The following CECR2 variants were observed in gnomAD, a reference collection of about 807,000 sequenced individuals.
CECR2 encodes the protein CECR2 histone acetyl-lysine reader.
A neutral mutation model predicts 154.5 loss-of-function variants in CECR2; 30 were observed. That is an observed-to-expected ratio of 0.19 (90% CI 0.15 to 0.26). The LOEUF is 0.26. CECR2 is among the 10% of genes least tolerant of loss of function. The pLI, the probability that CECR2 is intolerant of heterozygous loss-of-function variation, is 1.00. For missense variants in CECR2, 1,743 were observed against 1,829.3 expected, an observed-to-expected ratio of 0.95 and a Z score of 0.86; for synonymous variants, 725 against 683.7, an observed-to-expected ratio of 1.06 and a Z score of -0.94.
At chr22:17,527,294 CA>C (rs1308583956) in intron 9 of CECR2, among the ~76,000 whole-genome samples, 2 of 151,738 alleles carry the variant, frequency 1.3e-5, no homozygotes, top group East Asian at 3.9e-4. Context: ...CCCATCTCTA[CA>C]AAAAATACAA....
At chr22:17,453,978 A>G (rs1294331659) in intron 1 of CECR2, among the ~76,000 whole-genome samples, 1 of 152,234 alleles carries the variant, frequency 6.6e-6, no homozygotes, top group Non-Finnish European at 1.5e-5. Context: ...AAGAATGGTT[A>G]CTTAGGTGCC....
chr22:17,480,180 T>A (rs1007054196), intron 2 of CECR2, among the ~76,000 whole-genome samples: 1 of 152,130 alleles, frequency 6.6e-6, no homozygotes, highest in Non-Finnish European at 1.5e-5. Flanking sequence ...AGGATTATTA[T>A]CTATCTCTTT....
intron 1 of CECR2, among the ~76,000 whole-genome samples, chr22:17,445,300 G>T (rs1195672106): frequency 6.6e-6 from 1 of 151,994 alleles, no homozygotes; most frequent in Non-Finnish European, 1.5e-5. Context: ...TTGAGGCCAG[G>T]AGACCAGTCT....
chr22:17,511,991 A>T lies in CECR2; in HGVS notation c.954+95A>T, dbSNP rs1014595675. Reference sequence around the variant, plus strand: ...CATTCCTGCCTTTTTATTTTCCTTCATTTTTTTTCCTAAACCCCAAATGTT... The same window carrying T: ...CATTCCTGCCTTTTTATTTTCCTTCTTTTTTTTTCCTAAACCCCAAATGTT... On this transcript the variant is annotated intron_variant, in intron 8 of 18. Transcript: ENST00000262608. 4 of 942,558 alleles carry T rather than the reference A, an allele frequency of 4.2e-6. No homozygotes were observed. In the African/African-American group the frequency reaches 5.0e-5, roughly 12 times the overall value. The allele number at this position is 942,558 out of a possible 1,614,324, so 58.4% of individuals were successfully genotyped here.
intron 3 of CECR2, among the ~76,000 whole-genome samples, chr22:17,498,904 A>G (rs1459886301): frequency 1.3e-5 from 2 of 152,204 alleles, no homozygotes; most frequent in Non-Finnish European, 2.9e-5. Flanking sequence ...CTTGTTCCTC[A>G]AAGTAGGTAC....
intron 1 of CECR2, among the ~76,000 whole-genome samples, chr22:17,465,297 A>G (rs2055012325): frequency 6.6e-6 from 1 of 151,326 alleles, no homozygotes; most frequent in Non-Finnish European, 1.5e-5. Flanking sequence ...CACCTGGCCA[A>G]ATATTTCTAT....
intron 1 of CECR2, among the ~76,000 whole-genome samples, chr22:17,449,391 T>G (rs1242189753): frequency 6.6e-6 from 1 of 151,906 alleles, no homozygotes; most frequent in Non-Finnish European, 1.5e-5. Flanking sequence ...TGTACTGTCT[T>G]GGTAATTGGC....
intron 1 of CECR2, among the ~76,000 whole-genome samples, chr22:17,473,443 C>T (rs1311411802): frequency 6.6e-6 from 1 of 152,146 alleles, no homozygotes; most frequent in African/African-American, 2.4e-5. Flanking sequence ...AGTGGTAAAG[C>T]TTTGTAAGTA....
At chr22:17,477,354 G>A (rs1235706852) in intron 1 of CECR2, among the ~76,000 whole-genome samples, 1 of 152,158 alleles carries the variant, frequency 6.6e-6, no homozygotes, top group South Asian at 2.1e-4. Flanking sequence ...GTGCCGGTAA[G>A]AGGAATGGGG....
At chr22:17,527,422 C>T (rs914762254) in intron 9 of CECR2, among the ~76,000 whole-genome samples, 2 of 152,038 alleles carry the variant, frequency 1.3e-5, no homozygotes, top group Admixed American at 6.6e-5. Context: ...CATGCCACTG[C>T]ACTCCATCCT....
chr22:17,418,997 C>A lies in CECR2; in HGVS notation c.126+49088C>A. ...CCGCCTCGCCTCAGGGGACACTGCT[C>A]GGAGACAAAGCCCGGGGCCCTGGCC... On this transcript the variant is annotated intron_variant, in intron 1 of 18. Coordinates refer to ENST00000262608, the MANE Select transcript of CECR2 (RefSeq NM_001290047.2). The A allele has an allele frequency of 1.6e-5, 3 of 182,388 alleles. No homozygotes were observed. The South Asian group carries it at 2.8e-4, about 17-fold the overall frequency. The allele number at this position is 182,388 out of a possible 1,614,324, so 11.3% of individuals were successfully genotyped here. A position where few individuals can be genotyped will look rare whatever the true frequency, so the allele number is the denominator to read the frequency against.
chr22:17,410,980 A>C (rs1163978572), intron 1 of CECR2, among the ~76,000 whole-genome samples: 1 of 152,168 alleles, frequency 6.6e-6, no homozygotes, highest in Admixed American at 6.5e-5. Flanking sequence ...ATAGGTAGTG[A>C]GTTGAATTGG....
chr22:17,415,773 T>C (rs1297849613), intron 1 of CECR2, among the ~76,000 whole-genome samples: 1 of 152,242 alleles, frequency 6.6e-6, no homozygotes, highest in African/African-American at 2.4e-5. Context: ...AAATGTTGGT[T>C]TCAGCAATTT....
chr22:17,533,595 A>C (rs1300398003), intron 9 of CECR2, among the ~76,000 whole-genome samples: 1 of 151,688 alleles, frequency 6.6e-6, no homozygotes, highest in Non-Finnish European at 1.5e-5. Flanking sequence ...ACACCATTGC[A>C]CTCCAGCCTG....
chr22:17,482,973 G>C (rs184024380), intron 2 of CECR2, among the ~76,000 whole-genome samples: 1 of 152,032 alleles, frequency 6.6e-6, no homozygotes, highest in African/African-American at 2.4e-5. Flanking sequence ...GAGCCACCGC[G>C]CCCAGCCTAG....
intron 2 of CECR2, among the ~76,000 whole-genome samples, chr22:17,490,162 T>TGTGTGC (rs1245051833): frequency 6.6e-6 from 1 of 151,662 alleles, no homozygotes; most frequent in African/African-American, 2.4e-5. Flanking sequence ...TGTGTGTGTG[T>TGTGTGC]GTGTGTTTGG....
rs1185839485 is a variant in CECR2 at position 17,557,582 on chromosome 22, T to C, written c.*4742T>C. 6.7e-6 allele frequency: 1 copy of C among 148,988 alleles called. No homozygotes were observed. Among genetic ancestry groups the C allele is most frequent in the East Asian group, 2.0e-4 (1 of 4,992 alleles). The allele number at this position is 148,988 out of a possible 1,614,324, so 9.2% of individuals were successfully genotyped here. A position where few individuals can be genotyped will look rare whatever the true frequency, so the allele number is the denominator to read the frequency against. On this transcript the variant is annotated 3_prime_UTR_variant, in exon 19 of 19. Transcript: ENST00000262608. ...CTTTTCCTACCTAGTTTCTCCCTCT[T>C]GTCCTGCACAAGAGGACTAACTGAA... is the stretch of plus-strand genomic sequence containing the variant.
chr22:17,552,150 T>G lies in CECR2; in HGVS notation c.4389+8T>G, dbSNP rs2056718650. ...ACACTTCCCCTGGATCAGGTAAGGA[T>G]CACTAAAAATTAGAGCTGTTCTTCT... On this transcript the variant is annotated splice_region_variant and intron_variant, in intron 18 of 18. Coordinates refer to ENST00000262608, the MANE Select transcript of CECR2 (RefSeq NM_001290047.2). 1.9e-6 allele frequency: 3 copies of G among 1,610,550 alleles called. No homozygotes were observed. The East Asian group carries it at 6.7e-5, about 36-fold the overall frequency.
chr22:17,486,295 A>G (rs2055419102), intron 2 of CECR2, among the ~76,000 whole-genome samples: 1 of 152,240 alleles, frequency 6.6e-6, no homozygotes, highest in Non-Finnish European at 1.5e-5. Context: ...ATCGAGAATA[A>G]AGTCTCAATT....
Sources: allele counts gnomAD v4.1 joint callset (sites outside exome capture counted in the v4.1 genomes callset), GRCh38; gene constraint gnomAD v4.1.1; transcripts MANE v1.5; gene names NCBI Gene and HGNC (gene_info 2026-07-23, HGNC 2026-07-21).